Variants in RORA observed in about 807,000 individuals in gnomAD.
RORA encodes RAR related orphan receptor A, also known as nuclear receptor ROR-alpha.
In RORA, 7 loss-of-function variants were observed where a neutral mutation model predicts 69.5. The observed-to-expected ratio is 0.10, with a 90% CI of 0.06 to 0.19. The LOEUF (loss-of-function observed/expected upper bound fraction) is 0.19. Among genes scored for constraint, RORA ranks in the 10% least tolerant of loss-of-function variants. The probability of loss-of-function intolerance (pLI) is 1.00; values close to 1 mark genes in which losing one functional copy is unlikely to be tolerated. For synonymous variants in RORA, 261 were observed against 240.8 expected (o/e 1.08, Z -0.78); for missense variants, 457 against 663.0 (o/e 0.69, Z 3.41).
At chr15:60,986,782 G>A (rs1894215592) in intron 1 of RORA, among the ~76,000 whole-genome samples, 1 of 152,118 alleles carries the variant, frequency 6.6e-6, no homozygotes, top group Admixed American at 6.5e-5. Context: ...TGTCACATGG[G>A]GGTCAGGCTG....
intron 1 of RORA, among the ~76,000 whole-genome samples, chr15:60,715,340 C>A (rs2071206095): frequency 6.6e-6 from 1 of 152,198 alleles, no homozygotes; most frequent in South Asian, 2.1e-4. Context: ...TTTTTGAACA[C>A]AATGATGTGG....
chr15:61,070,424 C>T (rs2078324627), intron 1 of RORA, among the ~76,000 whole-genome samples: 1 of 152,330 alleles, frequency 6.6e-6, no homozygotes, highest in Admixed American at 6.5e-5. Flanking sequence ...ACCCCAACAC[C>T]ATATAAGCAG....
intron 1 of RORA, among the ~76,000 whole-genome samples, chr15:60,950,046 G>A (rs921639037): frequency 2.0e-5 from 3 of 151,598 alleles, no homozygotes; most frequent in East Asian, 3.9e-4. Flanking sequence ...GAGAAAGGTC[G>A]GGTTACCCTC....
intron 1 of RORA, among the ~76,000 whole-genome samples, chr15:61,206,744 A>G (rs4775374): frequency 0.29 from 43,425 of 152,188 alleles, 6,831 homozygotes; most frequent in South Asian, 0.36. Context: ...GGCAGCACAC[A>G]GCCCTCAGCA....
intron 1 of RORA, among the ~76,000 whole-genome samples, chr15:61,216,782 T>C (rs1016660963): frequency 3.3e-5 from 5 of 152,152 alleles, no homozygotes; most frequent in African/African-American, 1.2e-4. Flanking sequence ...CCTCTTTTAA[T>C]TGGATCCAGC....
chr15:61,169,805 T>G (rs1427900546), intron 1 of RORA, among the ~76,000 whole-genome samples: 1 of 152,130 alleles, frequency 6.6e-6, no homozygotes, highest in Admixed American at 6.6e-5. Flanking sequence ...ACATTCCTGG[T>G]ACAGGGCACC....
At chr15:60,747,061 A>G (rs760456038) in intron 1 of RORA, among the ~76,000 whole-genome samples, 1 of 152,064 alleles carries the variant, frequency 6.6e-6, no homozygotes. Context: ...TTAACCCCCA[A>G]TGTTAGAGAC....
At chr15:60,538,999 G>GCACACACACACACACACA (rs57764714) in intron 2 of RORA, among the ~76,000 whole-genome samples, 2 of 149,968 alleles carry the variant, frequency 1.3e-5, no homozygotes, top group South Asian at 4.3e-4. Context: ...CCTGCCAAAT[G>GCACACACACACACACACA]CACACACACA....
chr15:60,541,115 C>T (rs750455697), intron 2 of RORA, among the ~76,000 whole-genome samples: 6 of 152,172 alleles, frequency 3.9e-5, no homozygotes, highest in Non-Finnish European at 8.8e-5. Context: ...ATTATTTAGG[C>T]TTGCCAGAAG....
At chr15:60,954,722 A>G (rs987607083) in intron 1 of RORA, among the ~76,000 whole-genome samples, 2 of 152,212 alleles carry the variant, frequency 1.3e-5, no homozygotes, top group Non-Finnish European at 2.9e-5. Flanking sequence ...GTTGTTGCAA[A>G]AGTAATTACA....
chr15:61,127,813 C>T (rs1393069383), intron 1 of RORA, among the ~76,000 whole-genome samples: 2 of 152,134 alleles, frequency 1.3e-5, no homozygotes, highest in African/African-American at 4.8e-5. Flanking sequence ...CTCCATTCAC[C>T]CGTCCAGTTC....
At chr15:60,697,903 A>G (rs2070928444) in intron 1 of RORA, among the ~76,000 whole-genome samples, 1 of 152,144 alleles carries the variant, frequency 6.6e-6, no homozygotes, top group Non-Finnish European at 1.5e-5. Context: ...GTCAGCCAAC[A>G]ACACTTCCGC....
At chr15:60,611,256 C>G (rs2069078180) in intron 2 of RORA, among the ~76,000 whole-genome samples, 1 of 152,064 alleles carries the variant, frequency 6.6e-6, no homozygotes, top group South Asian at 2.1e-4. Context: ...CCAAGGGAAT[C>G]TCCATAGCAG....
intron 1 of RORA, among the ~76,000 whole-genome samples, chr15:60,865,735 G>T (rs2073480160): frequency 6.6e-6 from 1 of 152,106 alleles, no homozygotes; most frequent in South Asian, 2.1e-4. Flanking sequence ...GCCCCTTCCA[G>T]TCCCAGCCTG....
chr15:60,652,678 TC>T (rs2070162264), intron 2 of RORA, among the ~76,000 whole-genome samples: 1 of 152,174 alleles, frequency 6.6e-6, no homozygotes, highest in Admixed American at 6.5e-5. Flanking sequence ...ACTAATCCCT[TC>T]CATGTTTTCC....
chr15:60,556,727 T>C lies in RORA; in HGVS notation c.197-24876A>G, dbSNP rs1360358770. 21 of 725,560 alleles carry C rather than the reference T, an allele frequency of 2.9e-5. No individual in the cohort carries two copies. In the Middle Eastern group the frequency reaches 2.2e-3, roughly 76 times the overall value. 44.9% of individuals were successfully genotyped at this position (725,560 alleles called of 1,614,324 possible). On this transcript the variant is annotated intron_variant, in intron 2 of 10. Coordinates refer to ENST00000335670, the MANE Select transcript of RORA (RefSeq NM_134261.3). ...TCCTCTATGCCTGGAAGTTCACGGCTTCCCCTTTCTCTTCATCATTTTCTG... is the reference window on the plus strand; with the variant it reads ...TCCTCTATGCCTGGAAGTTCACGGCCTCCCCTTTCTCTTCATCATTTTCTG...
chr15:61,200,419 C>T (rs778075244), intron 1 of RORA, among the ~76,000 whole-genome samples: 5 of 152,132 alleles, frequency 3.3e-5, no homozygotes, highest in Non-Finnish European at 7.3e-5. Context: ...CTTTCTGGAA[C>T]ATAGAGTCAC....
chr15:61,047,346 C>T (rs888947834), intron 1 of RORA, among the ~76,000 whole-genome samples: 28 of 152,228 alleles, frequency 1.8e-4, no homozygotes, highest in Admixed American at 5.9e-4. Flanking sequence ...TACTCTCAAA[C>T]GATTTCAAAA....
intron 1 of RORA, among the ~76,000 whole-genome samples, chr15:61,067,356 G>A (rs112675469): frequency 3.3e-5 from 5 of 151,862 alleles, no homozygotes; most frequent in South Asian, 2.1e-4. Context: ...CGCCCGCCTC[G>A]GCCTCCCAAA....
Sources: allele counts gnomAD v4.1 joint callset (sites outside exome capture counted in the v4.1 genomes callset), GRCh38; gene constraint gnomAD v4.1.1; transcripts MANE v1.5; gene names NCBI Gene and HGNC (gene_info 2026-07-23, HGNC 2026-07-21).